The following PROM1 variants were observed in gnomAD, a reference collection of about 807,000 sequenced individuals.
PROM1 encodes prominin 1, also known as prominin-1.
A neutral mutation model predicts 116.9 loss-of-function variants in PROM1; 105 were observed. The ratio of observed to expected loss-of-function variants is 0.90; its 90% CI spans 0.77 to 1.06. The LOEUF (loss-of-function observed/expected upper bound fraction) is 1.06, where lower values mean the gene tolerates loss of function less well. Among genes scored for constraint, PROM1 ranks in the 50% least tolerant of loss-of-function variants. The pLI, the probability that PROM1 is intolerant of heterozygous loss-of-function variation, is 0.00. For synonymous variants in PROM1, 393 were observed against 387.0 expected, an observed-to-expected ratio of 1.02 and a Z score of -0.18; for missense variants, 1,122 against 1,045.2, an observed-to-expected ratio of 1.07 and a Z score of -1.01.
rs62617075 is a variant in PROM1 at position 15,991,277 on chromosome 4, G to A, written c.1928C>T (p.Ala643Val). Residue 643 changes from alanine (A) to valine (V), a missense_variant, in exon 18 of 28, where the codon GCA (alanine) becomes GTA (valine). By Grantham distance (64) the Ala-to-Val change is moderately conservative (BLOSUM62 0). Transcript: ENST00000447510. Reference sequence around the variant, plus strand: ...TGCAAATGATAAAAGATTCACTCCTGCGGGGGATTTACCAGTCTACAATAG... The same window carrying A: ...TGCAAATGATAAAAGATTCACTCCTACGGGGGATTTACCAGTCTACAATAG... ...SYLAQTGKSPAGVNLLSFAYD... is the reference protein window; with the variant it reads ...SYLAQTGKSPVGVNLLSFAYD... 6.2e-7 allele frequency: 1 copy of A among 1,604,152 alleles called. No homozygotes were observed. Among genetic ancestry groups the A allele is most frequent in the African/African-American group, 1.3e-5 (1 of 74,398 alleles).
At chr4:16,021,995 G>T (rs1730025804) in intron 8 of PROM1, among the ~76,000 whole-genome samples, 1 of 152,068 alleles carries the variant, frequency 6.6e-6, no homozygotes, top group South Asian at 2.1e-4. Flanking sequence ...GAAGAGGAAG[G>T]GACATCAGAG....
At chr4:16,058,718 A>G (rs974275561) in intron 2 of PROM1, among the ~76,000 whole-genome samples, 11 of 152,288 alleles carry the variant, frequency 7.2e-5, no homozygotes, top group South Asian at 4.1e-4. Context: ...TGTCCTCAGG[A>G]GTAATTTTAC....
At position 16,016,151 on chromosome 4, in the gene PROM1, T is replaced by C. The variant is rs2149291022; in HGVS notation, c.1077+15A>G. The C allele has an allele frequency of 1.9e-6, 3 of 1,547,118 alleles. No homozygotes were observed. Among genetic ancestry groups the C allele is most frequent in the Non-Finnish European group, 2.6e-6 (3 of 1,142,782 alleles). On this transcript the variant is annotated intron_variant, in intron 10 of 27. Coordinates refer to ENST00000447510, the MANE Select transcript of PROM1 (RefSeq NM_006017.3). Reference sequence around the variant, plus strand: ...TGATATAAAATCAGTGATTGTATTTTTTCCAAAAGCATACCTGTTGGACCA... The same window carrying C: ...TGATATAAAATCAGTGATTGTATTTCTTCCAAAAGCATACCTGTTGGACCA...
At chr4:16,053,678 T>C (rs1164070270) in intron 2 of PROM1, among the ~76,000 whole-genome samples, 2 of 152,094 alleles carry the variant, frequency 1.3e-5, no homozygotes, top group African/African-American at 2.4e-5. Context: ...CAAAGAAAAA[T>C]GGAAAGAAAA....
At chr4:16,014,342 G>A (rs1357378074) in intron 10 of PROM1, among the ~76,000 whole-genome samples, 2 of 152,218 alleles carry the variant, frequency 1.3e-5, no homozygotes, top group Non-Finnish European at 2.9e-5. Context: ...CTATATGCCT[G>A]ACTCCTTGAC....
At position 16,023,419 on chromosome 4, in the gene PROM1, C is replaced by A. The variant is rs755909541; in HGVS notation, c.695-4G>T. On this transcript the variant is annotated splice_region_variant and splice_polypyrimidine_tract_variant and intron_variant, in intron 7 of 27. Coordinates refer to ENST00000447510, the MANE Select transcript of PROM1 (RefSeq NM_006017.3). ...CCTCCTAGCACTGAATTGATACCTA[C>A]ATGCAAATAAGCACAAAGATGGTGA... is the stretch of plus-strand genomic sequence containing the variant. The A allele has an allele frequency of 2.5e-6, 4 of 1,587,142 alleles. No individual in the cohort carries two copies. In the South Asian group the frequency reaches 4.6e-5, roughly 18 times the overall value.
At chr4:16,055,660 C>A (rs1482593664) in intron 2 of PROM1, among the ~76,000 whole-genome samples, 1 of 152,120 alleles carries the variant, frequency 6.6e-6, no homozygotes, top group East Asian at 1.9e-4. Context: ...CACAGACAAA[C>A]CCCTTAGAAA....
Position 16,035,755 on chromosome 4 carries a change from T to A in PROM1, c.283A>T (p.Thr95Ser). 1 of 1,613,568 alleles carries A rather than the reference T, an allele frequency of 6.2e-7. No homozygotes were observed. The highest frequency in any genetic ancestry group is 8.5e-7 in the Non-Finnish European group (1 of 1,179,608). Residue 95 changes from threonine to serine, a missense_variant, in exon 4 of 28, where the codon ACT becomes TCT. Transcript: ENST00000447510. ...TTTACCTTTAGACCTAAGATTACAG[T>A]TTCTGGCTGTAGAAGTCAACGCAGG... ...ESKIDYDKPE[T>S]VILGLKIVYY...
chr4:16,083,320 C>T (rs1745389154), intron 1 of PROM1: 1 of 152,416 alleles, frequency 6.6e-6, no homozygotes, highest in African/African-American at 2.4e-5. Flanking sequence ...CGCTCCGGAA[C>T]CACGGCCGCC....
chr4:16,041,916 C>G lies in PROM1; in HGVS notation c.221-2915G>C, dbSNP rs1362131645. On this transcript the variant is annotated intron_variant, in intron 2 of 27. Coordinates refer to ENST00000447510, the MANE Select transcript of PROM1 (RefSeq NM_006017.3). Reference sequence around the variant, plus strand: ...ATTCCTGGACTCAAGTTATCCTCCCCTCTCCCCTCAGCCTCCTGCATAGCT... The same window carrying G: ...ATTCCTGGACTCAAGTTATCCTCCCGTCTCCCCTCAGCCTCCTGCATAGCT... Among the ~76,000 whole-genome samples the G allele has an allele frequency of 5.9e-5, 9 of 151,974 alleles. No individual in the cohort carries two copies. The East Asian group carries it at 1.7e-3, about 29-fold the overall frequency.
At chr4:16,079,992 TAG>T (rs542633874) in intron 1 of PROM1, 7 of 104,784 alleles carry the variant, frequency 6.7e-5, no homozygotes, top group African/African-American at 2.6e-4. Context: ...CTGGGCAACA[TAG>T]AGAGGCCCTG....
At chr4:15,984,985 G>A (rs537385122) in intron 22 of PROM1, among the ~76,000 whole-genome samples, 39 of 152,278 alleles carry the variant, frequency 2.6e-4, no homozygotes, top group Non-Finnish European at 1.3e-4. Flanking sequence ...TGGAACTGAC[G>A]GCTGATGTGC....
At chr4:15,989,252 A>G (rs1478441312) in intron 19 of PROM1, among the ~76,000 whole-genome samples, 1 of 152,206 alleles carries the variant, frequency 6.6e-6, no homozygotes, top group Non-Finnish European at 1.5e-5. Flanking sequence ...TTATTGCATT[A>G]AGAAAAGAAG....
At chr4:16,011,526 C>A (rs369310930) in intron 11 of PROM1, among the ~76,000 whole-genome samples, 74 of 152,332 alleles carry the variant, frequency 4.9e-4, no homozygotes, top group African/African-American at 1.6e-3. Context: ...GCAATGGCAC[C>A]ATGCACCATG....
chr4:16,013,311 C>A lies in PROM1; in HGVS notation c.1105G>T (p.Asp369Tyr). ...QGYQSLNDIP[D>Y]RVQRQTTTVV... is the part of the protein sequence containing the mutation. Reference sequence around the variant, plus strand: ...GTCGTGGTTTGGCGTTGTACTCTGTCAGGTATATCATTAAGGGATTGATAG... The same window carrying A: ...GTCGTGGTTTGGCGTTGTACTCTGTAAGGTATATCATTAAGGGATTGATAG... Residue 369 changes from aspartate (D) to tyrosine (Y), a missense_variant, in exon 11 of 28, where the codon GAC becomes TAC. Coordinates refer to ENST00000447510, the MANE Select transcript of PROM1 (RefSeq NM_006017.3). The A allele has an allele frequency of 6.2e-7, 1 of 1,608,032 alleles. No homozygotes were observed.
chr4:16,050,422 T>C (rs771310597), intron 2 of PROM1, among the ~76,000 whole-genome samples: 4 of 152,226 alleles, frequency 2.6e-5, no homozygotes, highest in Non-Finnish European at 5.9e-5. Flanking sequence ...GGCACGATCA[T>C]GGCTCACTGC....
At chr4:15,983,412 A>G (rs777378454) in intron 23 of PROM1, among the ~76,000 whole-genome samples, 4 of 152,198 alleles carry the variant, frequency 2.6e-5, no homozygotes, top group South Asian at 4.1e-4. Flanking sequence ...CTGAAAATGT[A>G]GAAGTGGAAT....
At chr4:16,056,122 C>T (rs1190600410) in intron 2 of PROM1, among the ~76,000 whole-genome samples, 3 of 152,138 alleles carry the variant, frequency 2.0e-5, no homozygotes, top group Non-Finnish European at 4.4e-5. Flanking sequence ...GTCAGGAGTA[C>T]GAGCATCCTC....
In PROM1 at chr4:15,984,357, TA is replaced by T. The variant is rs1718769525; in HGVS notation, c.2281-3del. 6.4e-7 allele frequency: 1 copy of T among 1,567,098 alleles called. No individual in the cohort carries two copies. The highest frequency in any genetic ancestry group is 1.4e-5 in the African/African-American group (1 of 73,464). ...GCACGATGCCACTTTCTCACTGATC[TA>T]GGGGGGTGGAAACACAGGGAAACTT... On this transcript the variant is annotated splice_polypyrimidine_tract_variant and splice_region_variant and intron_variant, in intron 22 of 27. Transcript: ENST00000447510.
Sources: gnomAD v4.1 joint callset for allele counts (sites outside exome capture counted in the v4.1 genomes callset) on GRCh38, gnomAD v4.1.1 for gene constraint, MANE v1.5 for transcripts, NCBI Gene and HGNC (gene_info 2026-07-23, HGNC 2026-07-21) for gene names.